SLC2A9: variants seen among roughly 807,000 people sequenced by gnomAD.
The protein encoded by SLC2A9 is solute carrier family 2 member 9, also known as solute carrier family 2, facilitated glucose transporter member 9.
Under a neutral mutation model 50.6 loss-of-function variants are expected in SLC2A9, and 39 were observed. That is an observed-to-expected ratio of 0.77 (90% CI 0.60 to 1.01). SLC2A9 has a LOEUF of 1.01. Among genes scored for constraint, SLC2A9 ranks in the 50% least tolerant of loss-of-function variants. The pLI is 0.00. For synonymous variants in SLC2A9, 324 were observed against 276.9 expected (o/e 1.17, Z -1.69); for missense variants, 686 against 677.6 (o/e 1.01, Z -0.14).
intron 6 of SLC2A9, among the ~76,000 whole-genome samples, chr4:9,934,523 T>C (rs1746709472): frequency 6.6e-6 from 1 of 152,226 alleles, no homozygotes; most frequent in African/African-American, 2.4e-5. Context: ...TCTGGGATTG[T>C]TGCTGGAAAG....
rs756420125 is a variant in SLC2A9 at position 9,996,770 on chromosome 4, C to A, written c.410+11G>T. 3.1e-6 allele frequency: 5 copies of A among 1,613,206 alleles called. 1 individual carries two copies. The South Asian group carries it at 5.5e-5, about 18-fold the overall frequency. ...GAGGGCACCCCCAGATAGAGACAGC[C>A]TCCTACTGACCTCCCAAGAACCTTT... On this transcript the variant is annotated intron_variant, in intron 3 of 11. Transcript: ENST00000264784.
At chr4:9,810,414 C>T (rs1722721005) in intron 3 of SLC2A9, among the ~76,000 whole-genome samples, 1 of 152,192 alleles carries the variant, frequency 6.6e-6, no homozygotes, top group Admixed American at 6.5e-5. Flanking sequence ...CATCTCCAGC[C>T]AGGCCTCAGG....
intron 10 of SLC2A9, among the ~76,000 whole-genome samples, chr4:9,852,824 C>A (rs1392571784): frequency 6.6e-6 from 1 of 152,184 alleles, no homozygotes; most frequent in Non-Finnish European, 1.5e-5. Context: ...AACCAGTTAA[C>A]AATATGATGA....
At position 9,953,525 on chromosome 4, in the gene SLC2A9, T is replaced by C. The variant is rs1286659761; in HGVS notation, c.682-11480A>G. Among the ~76,000 whole-genome samples, 7 of 152,234 alleles carry C rather than the reference T, an allele frequency of 4.6e-5. No individual in the cohort carries two copies. In the East Asian group the frequency reaches 9.6e-4, roughly 21 times the overall value. ...CTATGAGCCTCACTTTCCTTATCAA[T>C]AAAATAGAGATAATAAAACCTGCAT... On this transcript the variant is annotated intron_variant, in intron 5 of 11. Transcript: ENST00000264784.
intron 5 of SLC2A9, among the ~76,000 whole-genome samples, chr4:9,954,000 G>C (rs1750760674): frequency 6.6e-6 from 1 of 151,948 alleles, no homozygotes; most frequent in Non-Finnish European, 1.5e-5. Flanking sequence ...GTAGAGACAG[G>C]GTTTCTCCTT....
chr4:9,973,473 G>T (rs1248777640), intron 5 of SLC2A9, among the ~76,000 whole-genome samples: 1 of 151,816 alleles, frequency 6.6e-6, no homozygotes, highest in African/African-American at 2.4e-5. Flanking sequence ...CCAAAACCTG[G>T]CAAAGATACA....
At chr4:9,876,101 T>C (rs1734278605) in intron 10 of SLC2A9, among the ~76,000 whole-genome samples, 1 of 152,214 alleles carries the variant, frequency 6.6e-6, no homozygotes, top group South Asian at 2.1e-4. Flanking sequence ...ATCACAATGG[T>C]TTGCAGAGCT....
At chr4:10,033,371 C>T (rs1022310738) in intron 1 of SLC2A9, among the ~76,000 whole-genome samples, 4 of 152,112 alleles carry the variant, frequency 2.6e-5, no homozygotes, top group South Asian at 2.1e-4. Flanking sequence ...TCCCGGCAGC[C>T]GAAGCATGAT....
At chr4:9,803,691 T>C (rs1398544192) in intron 3 of SLC2A9, among the ~76,000 whole-genome samples, 1 of 152,264 alleles carries the variant, frequency 6.6e-6, no homozygotes, top group Non-Finnish European at 1.5e-5. Flanking sequence ...CTTGATATTA[T>C]GTGTCTGGTC....
At chr4:9,835,654 C>T (rs1383416050) in intron 10 of SLC2A9, among the ~76,000 whole-genome samples, 2 of 152,204 alleles carry the variant, frequency 1.3e-5, no homozygotes, top group African/African-American at 2.4e-5. Flanking sequence ...GCAACATGTC[C>T]TTGCTTTCAT....
At chr4:10,010,888 T>C (rs746106221) in intron 2 of SLC2A9, among the ~76,000 whole-genome samples, 1 of 152,218 alleles carries the variant, frequency 6.6e-6, no homozygotes, top group East Asian at 1.9e-4. Flanking sequence ...TGGTCCTTTT[T>C]TCTTGGCGAC....
chr4:9,845,496 C>G (rs1728837723), intron 10 of SLC2A9, among the ~76,000 whole-genome samples: 1 of 133,848 alleles, frequency 7.5e-6, no homozygotes, highest in African/African-American at 3.0e-5. Context: ...GTGGCGCGAT[C>G]TCGGCTCACT....
chr4:9,939,870 G>T (rs1747813852), intron 6 of SLC2A9, among the ~76,000 whole-genome samples: 1 of 152,064 alleles, frequency 6.6e-6, no homozygotes, highest in African/African-American at 2.4e-5. Flanking sequence ...TGAATGTCTG[G>T]AGTAAAATTA....
intron 1 of SLC2A9, among the ~76,000 whole-genome samples, chr4:9,773,020 A>G (rs1274795934): frequency 6.6e-6 from 1 of 152,136 alleles, no homozygotes; most frequent in Non-Finnish European, 1.5e-5. Flanking sequence ...AAGGATATGA[A>G]CCCAGGACTG....
intron 5 of SLC2A9, among the ~76,000 whole-genome samples, chr4:9,963,218 T>TGTTC (rs1752550179): frequency 6.6e-6 from 1 of 152,182 alleles, no homozygotes; most frequent in Non-Finnish European, 1.5e-5. Context: ...GCTTATTCAC[T>TGTTC]ACCATGAGAA....
At chr4:9,780,522 T>A (rs1316737255) in intron 3 of SLC2A9, among the ~76,000 whole-genome samples, 1 of 152,108 alleles carries the variant, frequency 6.6e-6, no homozygotes, top group Non-Finnish European at 1.5e-5. Context: ...TGGTCCAGGG[T>A]ACAGGTGCGT....
chr4:10,018,692 C>A (rs1272601487), intron 2 of SLC2A9, among the ~76,000 whole-genome samples: 1 of 152,178 alleles, frequency 6.6e-6, no homozygotes, highest in Non-Finnish European at 1.5e-5. Context: ...CGCCCCCCAC[C>A]CCACCCCGGG....
chr4:9,814,813 A>C (rs556284969), intron 3 of SLC2A9, among the ~76,000 whole-genome samples: 1 of 152,148 alleles, frequency 6.6e-6, no homozygotes, highest in Non-Finnish European at 1.5e-5. Context: ...GTGGTAAAAG[A>C]AAGTTGCACG....
In SLC2A9 at chr4:9,890,666, C is replaced by T; in HGVS notation, c.1159G>A (p.Gly387Ser). The T allele has an allele frequency of 6.2e-7, 1 of 1,614,150 alleles. No individual in the cohort carries two copies. Among genetic ancestry groups the T allele is most frequent in the Non-Finnish European group, 8.5e-7 (1 of 1,180,030 alleles). ...HLGRRPLLIG[G>S]FGLMGLFFGT... is the part of the protein sequence containing the mutation. ...AAGAAGAGGCCCATGAGCCCAAAGC[C>T]ACCAATGAGGAGGGGTCTCCGTCCC... The change falls in exon 9 of 12, where the codon GGC (glycine) becomes AGC (serine). Residue 387 changes from glycine (G) to serine (S), a missense_variant. Coordinates refer to ENST00000264784, the MANE Select transcript of SLC2A9 (RefSeq NM_020041.3).
Sources: gnomAD v4.1 joint callset for allele counts (sites outside exome capture counted in the v4.1 genomes callset) on GRCh38, gnomAD v4.1.1 for gene constraint, MANE v1.5 for transcripts, NCBI Gene and HGNC (gene_info 2026-07-23, HGNC 2026-07-21) for gene names.